SOBP: variants seen among roughly 807,000 people sequenced by gnomAD.
The protein encoded by SOBP is sine oculis binding protein homolog.
In SOBP, 4 loss-of-function variants were observed where a neutral mutation model predicts 53.6. The ratio of observed to expected loss-of-function variants is 0.07; its 90% CI spans 0.04 to 0.17. The LOEUF (loss-of-function observed/expected upper bound fraction) is 0.17, where lower values mean the gene tolerates loss of function less well. Ranked by LOEUF, SOBP falls within the 10% of genes least tolerant of loss-of-function variation. The pLI is 1.00. For missense variants in SOBP, 1,088 were observed against 1,204.7 expected, an observed-to-expected ratio of 0.90 and a Z score of 1.43; for synonymous variants, 584 against 522.6, an observed-to-expected ratio of 1.12 and a Z score of -1.60.
Position 107,648,934 on chromosome 6 carries a change from C to T in SOBP, c.*4-9273C>T, listed in dbSNP as rs182000699. ...AATTTGACTCCTAGTCTGGGCACAG[C>T]GGCTCATGCCTGTAATCTCAGGACT... On this transcript the variant is annotated intron_variant, in intron 6 of 6. Transcript: ENST00000317357. Among the ~76,000 whole-genome samples, 762 of 152,114 alleles carry T rather than the reference C, an allele frequency of 5.0e-3. 9 individuals are homozygous for T. The highest frequency in any genetic ancestry group is 8.8e-3 in the Non-Finnish European group (598 of 67,984).
chr6:107,641,971 C>T (rs752307295), intron 6 of SOBP, among the ~76,000 whole-genome samples: 1 of 152,202 alleles, frequency 6.6e-6, no homozygotes, highest in African/African-American at 2.4e-5. Context: ...TGTATCCTTC[C>T]GTTGCCGTTT....
chr6:107,532,256 C>A (rs1279508075), intron 3 of SOBP, among the ~76,000 whole-genome samples: 1 of 150,612 alleles, frequency 6.6e-6, no homozygotes, highest in African/African-American at 2.5e-5. Flanking sequence ...CACACACACA[C>A]ACACACACAC....
At chr6:107,638,279 T>C (rs1382931043) in intron 6 of SOBP, among the ~76,000 whole-genome samples, 1 of 152,194 alleles carries the variant, frequency 6.6e-6, no homozygotes, top group East Asian at 1.9e-4. Context: ...GGCGCGACCT[T>C]GGCTCACTGC....
At chr6:107,643,980 A>G (rs536382682) in intron 6 of SOBP, among the ~76,000 whole-genome samples, 19 of 152,344 alleles carry the variant, frequency 1.2e-4, no homozygotes, top group African/African-American at 4.6e-4. Context: ...CCAGCACTCA[A>G]AAGCTAAAGT....
At chr6:107,516,603 C>T (rs570246045) in intron 3 of SOBP, among the ~76,000 whole-genome samples, 1 of 152,140 alleles carries the variant, frequency 6.6e-6, no homozygotes, top group East Asian at 1.9e-4. Context: ...GACAGAAATG[C>T]TATTTTATAT....
At chr6:107,501,791 A>G (rs1317315132) in intron 1 of SOBP, among the ~76,000 whole-genome samples, 1 of 152,170 alleles carries the variant, frequency 6.6e-6, no homozygotes, top group Non-Finnish European at 1.5e-5. Context: ...TGTTCAACCC[A>G]GTCCTCCTCA....
intron 4 of SOBP, among the ~76,000 whole-genome samples, chr6:107,549,367 C>T (rs1025253687): frequency 4.0e-5 from 6 of 151,430 alleles, no homozygotes; most frequent in Admixed American, 1.3e-4. Flanking sequence ...GGGTGGAGCT[C>T]ATGGAAGTTA....
chr6:107,510,201 G>A (rs1291159812), intron 3 of SOBP, among the ~76,000 whole-genome samples: 1 of 152,202 alleles, frequency 6.6e-6, no homozygotes. Flanking sequence ...ACAAATAGGT[G>A]TGGCTGTGTT....
At chr6:107,644,433 C>A (rs1248201041) in intron 6 of SOBP, among the ~76,000 whole-genome samples, 1 of 152,172 alleles carries the variant, frequency 6.6e-6, no homozygotes, top group Non-Finnish European at 1.5e-5. Context: ...GGATTGAATT[C>A]TTTACTATTT....
At chr6:107,618,810 G>A (rs1204909682) in intron 5 of SOBP, among the ~76,000 whole-genome samples, 1 of 152,192 alleles carries the variant, frequency 6.6e-6, no homozygotes, top group African/African-American at 2.4e-5. Flanking sequence ...GGTTTGGAAG[G>A]TCACGCCATA....
At chr6:107,597,145 A>G (rs1785974852) in intron 5 of SOBP, among the ~76,000 whole-genome samples, 1 of 152,194 alleles carries the variant, frequency 6.6e-6, no homozygotes, top group African/African-American at 2.4e-5. Flanking sequence ...TTAAATGGCA[A>G]AACCAGAGAT....
chr6:107,590,572 G>T (rs1465464431), intron 5 of SOBP, among the ~76,000 whole-genome samples: 1 of 152,162 alleles, frequency 6.6e-6, no homozygotes, highest in Non-Finnish European at 1.5e-5. Flanking sequence ...AATCCCTTTG[G>T]CTTTTCCTGA....
chr6:107,499,595 A>G (rs1712913007), intron 1 of SOBP, among the ~76,000 whole-genome samples: 1 of 152,236 alleles, frequency 6.6e-6, no homozygotes, highest in African/African-American at 2.4e-5. Context: ...GGGAGCAATG[A>G]TAAAATATTT....
At position 107,547,230 on chromosome 6, in the gene SOBP, G is replaced by A. The variant is rs189497664; in HGVS notation, c.573+13620G>A. ...ATCAGCGAGCACAAGGGAACAAAACGTTTTAATCCTCACGTCCCTGATATG... is the reference window on the plus strand; with the variant it reads ...ATCAGCGAGCACAAGGGAACAAAACATTTTAATCCTCACGTCCCTGATATG... On this transcript the variant is annotated intron_variant, in intron 4 of 6. Transcript: ENST00000317357. Among the ~76,000 whole-genome samples the A allele has an allele frequency of 5.5e-3, 837 of 152,250 alleles. 4 individuals carry two copies. Among genetic ancestry groups the A allele is most frequent in the Non-Finnish European group, 8.7e-3 (593 of 68,020 alleles).
chr6:107,522,185 C>G (rs1028635326), intron 3 of SOBP, among the ~76,000 whole-genome samples: 1 of 152,160 alleles, frequency 6.6e-6, no homozygotes, highest in Non-Finnish European at 1.5e-5. Context: ...AAGCCAGAAT[C>G]CAGAAAGCAG....
rs907709609 is a variant in SOBP at position 107,660,036 on chromosome 6, C to A, written c.*1833C>A. Reference sequence around the variant, plus strand: ...ACCCACCCAGGCAGGAAGAAGCCGCCCCTCCTCTGGGGCCATATTTTTCTG... The same window carrying A: ...ACCCACCCAGGCAGGAAGAAGCCGCACCTCCTCTGGGGCCATATTTTTCTG... On this transcript the variant is annotated 3_prime_UTR_variant, in exon 7 of 7. Coordinates refer to ENST00000317357, the MANE Select transcript of SOBP (RefSeq NM_018013.4). The A allele has an allele frequency of 1.3e-5, 2 of 152,530 alleles. No individual in the cohort carries two copies. Among genetic ancestry groups the A allele is most frequent in the African/African-American group, 4.8e-5 (2 of 41,418 alleles). The allele number at this position is 152,530 out of a possible 1,614,324, so 9.4% of individuals were successfully genotyped here. A position where few individuals can be genotyped will look rare whatever the true frequency, so the allele number is the denominator to read the frequency against.
intron 5 of SOBP, among the ~76,000 whole-genome samples, chr6:107,626,509 C>G (rs2115128865): frequency 6.6e-6 from 1 of 152,318 alleles, no homozygotes; most frequent in Non-Finnish European, 1.5e-5. Flanking sequence ...AAACTTGTGC[C>G]TCCAGTTTCC....
intron 5 of SOBP, among the ~76,000 whole-genome samples, chr6:107,632,734 C>A (rs1770771309): frequency 6.6e-6 from 1 of 152,112 alleles, no homozygotes; most frequent in Non-Finnish European, 1.5e-5. Flanking sequence ...TTGGTGATGT[C>A]TTTCTTTTGC....
At chr6:107,642,033 A>T (rs760220716) in intron 6 of SOBP, among the ~76,000 whole-genome samples, 4 of 152,262 alleles carry the variant, frequency 2.6e-5, no homozygotes, top group Non-Finnish European at 4.4e-5. Context: ...TGCATTCTGC[A>T]TGTGTAAACT....
Sources: allele counts gnomAD v4.1 joint callset (sites outside exome capture counted in the v4.1 genomes callset), GRCh38; gene constraint gnomAD v4.1.1; transcripts MANE v1.5; gene names NCBI Gene and HGNC (gene_info 2026-07-23, HGNC 2026-07-21).